Variants in DENND2B observed in about 807,000 individuals in gnomAD.
The protein encoded by DENND2B is DENN domain-containing protein 2B.
A neutral mutation model predicts 116.0 loss-of-function variants in DENND2B; 32 were observed. That is an observed-to-expected ratio of 0.28 (90% CI 0.21 to 0.37). The LOEUF is 0.37. Among genes scored for constraint, DENND2B ranks in the 10% least tolerant of loss-of-function variants. DENND2B has a pLI of 1.00. For synonymous variants in DENND2B, 588 were observed against 583.9 expected (o/e 1.01, Z -0.10); for missense variants, 1,276 against 1,477.7 (o/e 0.86, Z 2.24).
chr11:8,753,265 C>A (rs1334377081), intron 1 of DENND2B, among the ~76,000 whole-genome samples: 1 of 152,040 alleles, frequency 6.6e-6, no homozygotes, highest in Non-Finnish European at 1.5e-5. Context: ...AATTTTATTT[C>A]TATATACTAA....
chr11:8,837,315 A>G (rs1224950792), intron 4 of DENND2B, among the ~76,000 whole-genome samples: 1 of 150,290 alleles, frequency 6.7e-6, no homozygotes, highest in Non-Finnish European at 1.5e-5. Context: ...CCTGCCTCTC[A>G]GGAACACCAA....
Position 8,696,593 on chromosome 11 carries a change from G to A in DENND2B, c.3126C>T (p.Ser1042=). ...RFFVETVGHY[S]LFLTQSEKGE... The stretch of plus-strand genomic sequence containing the variant: ...CCTTCTCACTCTGTGTCAGAAAGAG[G>A]GAGTAGTGCCCAACGGTCTCCACAA... The change falls in exon 18 of 20, where the codon TCC becomes TCT. Residue 1042 remains serine, a synonymous_variant. Transcript: ENST00000313726. The A allele has an allele frequency of 1.2e-6, 2 of 1,614,158 alleles. No homozygotes were observed. Among genetic ancestry groups the A allele is most frequent in the Non-Finnish European group, 8.5e-7 (1 of 1,180,034 alleles).
At chr11:8,855,133 A>T (rs2063148873) in intron 3 of DENND2B, among the ~76,000 whole-genome samples, 1 of 150,928 alleles carries the variant, frequency 6.6e-6, no homozygotes, top group Admixed American at 6.6e-5. Flanking sequence ...CAACAGAGGG[A>T]GACTCTGTCT....
intron 14 of DENND2B, among the ~76,000 whole-genome samples, chr11:8,700,990 T>C (rs140130507): frequency 1.3e-5 from 2 of 152,090 alleles, no homozygotes; most frequent in African/African-American, 4.8e-5. Flanking sequence ...GGTTTCACCA[T>C]GTTGGCCAGG....
intron 5 of DENND2B, 158 bp from the exon 6 acceptor site, chr11:8,715,976 T>C: frequency 1.5e-6 from 1 of 657,890 alleles, no homozygotes; most frequent in Admixed American, 3.3e-5. Flanking sequence ...CTTTAGCTGC[T>C]AATCAGCCAG....
At position 8,752,175 on chromosome 11, in the gene DENND2B, G is replaced by A. The variant is rs562240479; in HGVS notation, c.-25-1450C>T. ...AAAAAAAATTAAGCAAGGTTGAGCC[G>A]GGCGTGGTGGCTCACGCCTGTAATC... On this transcript the variant is annotated intron_variant, in intron 1 of 19. Coordinates refer to ENST00000313726, the MANE Select transcript of DENND2B (RefSeq NM_213618.2). Among the ~76,000 whole-genome samples the A allele has an allele frequency of 9.8e-5, 15 of 152,300 alleles. No homozygotes were observed. In the East Asian group the frequency reaches 1.9e-3, roughly 20 times the overall value.
chr11:8,858,759 G>C (rs1829045132), intron 2 of DENND2B, among the ~76,000 whole-genome samples: 1 of 152,176 alleles, frequency 6.6e-6, no homozygotes, highest in Non-Finnish European at 1.5e-5. Context: ...CGAGGGCTTG[G>C]CTGGTCACCC....
chr11:8,699,193 T>G lies in DENND2B; in HGVS notation c.2898+20A>C, dbSNP rs60449221. The G allele has an allele frequency of 5.1e-3, 7,910 of 1,541,572 alleles. 353 individuals are homozygous for G. The African/African-American group carries it at 0.097, about 19-fold the overall frequency. ...TTCCCCCTCCACCCTTCCCCCCAGC[T>G]GGTTCCCCCGGTGGCCCACCTCCTC... On this transcript the variant is annotated intron_variant, in intron 15 of 19. Coordinates refer to ENST00000313726, the MANE Select transcript of DENND2B (RefSeq NM_213618.2).
intron 1 of DENND2B, among the ~76,000 whole-genome samples, chr11:8,773,734 T>C (rs1348834537): frequency 6.6e-6 from 1 of 151,882 alleles, no homozygotes; most frequent in African/African-American, 2.4e-5. Context: ...CTGGAAAAAA[T>C]GTCCTCATTC....
intron 1 of DENND2B, among the ~76,000 whole-genome samples, chr11:8,905,194 C>CA (rs1219421854): frequency 1.3e-5 from 2 of 152,006 alleles, no homozygotes; most frequent in African/African-American, 4.8e-5. Context: ...TAAGGACAGA[C>CA]ATATAGATCA....
intron 1 of DENND2B, among the ~76,000 whole-genome samples, chr11:8,896,609 A>C (rs1450641814): frequency 6.6e-6 from 1 of 152,216 alleles, no homozygotes; most frequent in Admixed American, 6.5e-5. Context: ...GATGGTGCAA[A>C]AGCAATATAC....
intron 4 of DENND2B, among the ~76,000 whole-genome samples, chr11:8,834,218 TC>T (rs1285524378): frequency 1.3e-5 from 2 of 152,230 alleles, no homozygotes; most frequent in African/African-American, 4.8e-5. Flanking sequence ...CATTCTATTT[TC>T]CTGAACTGTT....
intron 2 of DENND2B, among the ~76,000 whole-genome samples, chr11:8,878,053 T>A (rs1370923894): frequency 1.3e-5 from 2 of 152,186 alleles, no homozygotes; most frequent in Admixed American, 1.3e-4. Flanking sequence ...TCAATGATTG[T>A]CAGAATTTCT....
intron 7 of DENND2B, 97 bp from the exon 8 acceptor site, chr11:8,714,139 C>A: frequency 1.6e-6 from 2 of 1,261,714 alleles, no homozygotes; most frequent in South Asian, 1.2e-5. Flanking sequence ...GGATGGATCT[C>A]TACCTTCTCT....
chr11:8,757,217 T>C, intron 1 of DENND2B: 1 of 399,548 alleles, frequency 2.5e-6, no homozygotes, highest in South Asian at 1.9e-5. Context: ...ACAGCCATAA[T>C]AGCAATATGA....
At chr11:8,903,418 A>G (rs553059817) in intron 1 of DENND2B, among the ~76,000 whole-genome samples, 88 of 151,830 alleles carry the variant, frequency 5.8e-4, no homozygotes, top group Non-Finnish European at 6.0e-4. Context: ...CTGTCTCAAA[A>G]GAAAAAAAAA....
chr11:8,750,237 C>T (rs2052116551), intron 2 of DENND2B, among the ~76,000 whole-genome samples: 1 of 152,120 alleles, frequency 6.6e-6, no homozygotes. Context: ...GGAGTTTGTG[C>T]TAATATGCGT....
At chr11:8,788,885 G>T (rs935264572) in intron 1 of DENND2B, among the ~76,000 whole-genome samples, 1 of 152,112 alleles carries the variant, frequency 6.6e-6, no homozygotes, top group Non-Finnish European at 1.5e-5. Context: ...CTTTTTCCTA[G>T]AGTATATCAG....
chr11:8,820,990 C>T (rs550747756), intron 4 of DENND2B, among the ~76,000 whole-genome samples: 20 of 151,940 alleles, frequency 1.3e-4, no homozygotes, highest in East Asian at 7.8e-4. Flanking sequence ...GGCATGATGG[C>T]GCATGCCTTA....
Sources: gnomAD v4.1 joint callset for allele counts (sites outside exome capture counted in the v4.1 genomes callset) on GRCh38, gnomAD v4.1.1 for gene constraint, MANE v1.5 for transcripts, NCBI Gene and HGNC (gene_info 2026-07-23, HGNC 2026-07-21) for gene names.